RBMS3: variants seen among roughly 807,000 people sequenced by gnomAD.
RBMS3 encodes RNA-binding motif, single-stranded-interacting protein 3.
Under a neutral mutation model 66.8 loss-of-function variants are expected in RBMS3, and 27 were observed. The ratio of observed to expected loss-of-function variants is 0.40; its 90% CI spans 0.30 to 0.56. RBMS3 has a LOEUF of 0.56. Among genes scored for constraint, RBMS3 ranks in the 20% least tolerant of loss-of-function variants. RBMS3 has a pLI of 0.40. For missense variants in RBMS3, 513 were observed against 549.5 expected, an observed-to-expected ratio of 0.93 and a Z score of 0.66; for synonymous variants, 188 against 183.0, an observed-to-expected ratio of 1.03 and a Z score of -0.22.
intron 3 of RBMS3, among the ~76,000 whole-genome samples, chr3:29,565,680 A>ACTC (rs2046716905): frequency 6.6e-6 from 1 of 152,170 alleles, no homozygotes; most frequent in African/African-American, 2.4e-5. Flanking sequence ...GTTCCTCAAA[A>ACTC]ACAGCCAAAG....
At chr3:29,893,984 T>C (rs972502240) in intron 8 of RBMS3, among the ~76,000 whole-genome samples, 1 of 151,598 alleles carries the variant, frequency 6.6e-6, no homozygotes, top group African/African-American at 2.4e-5. Context: ...GCAACAATAC[T>C]GATATACACT....
chr3:29,469,316 T>A (rs1472780225), intron 2 of RBMS3, among the ~76,000 whole-genome samples: 1 of 152,106 alleles, frequency 6.6e-6, no homozygotes, highest in Admixed American at 6.5e-5. Flanking sequence ...AAATGTGTTC[T>A]GCATGCTTCA....
chr3:29,601,805 GA>G (rs779530258), intron 4 of RBMS3, among the ~76,000 whole-genome samples: 26 of 152,060 alleles, frequency 1.7e-4, no homozygotes, highest in Admixed American at 4.6e-4. Flanking sequence ...TTTGTTTGAT[GA>G]TGTACTTTTT....
At chr3:29,283,371 T>G (rs1300823297) in intron 1 of RBMS3, among the ~76,000 whole-genome samples, 1 of 152,178 alleles carries the variant, frequency 6.6e-6, no homozygotes, top group African/African-American at 2.4e-5. Context: ...TGTTTGAGAC[T>G]TCTTTTAACC....
At chr3:29,750,904 AT>A (rs1193534471) in intron 5 of RBMS3, among the ~76,000 whole-genome samples, 1 of 152,222 alleles carries the variant, frequency 6.6e-6, no homozygotes, top group African/African-American at 2.4e-5. Context: ...TTGAAATTTA[AT>A]TTTTGGAAAT....
intron 4 of RBMS3, among the ~76,000 whole-genome samples, chr3:29,648,263 A>ATT (rs749839563): frequency 0.13 from 9,755 of 77,406 alleles, 1,177 homozygotes; most frequent in Non-Finnish European, 0.14. Context: ...GAAAATGTCT[A>ATT]TTTTTTTTTT....
chr3:29,581,316 A>C (rs368877215), intron 3 of RBMS3, among the ~76,000 whole-genome samples: 1 of 152,344 alleles, frequency 6.6e-6, no homozygotes, highest in African/African-American at 2.4e-5. Context: ...CACATAATGC[A>C]AAGAACTAGG....
chr3:29,399,076 G>A (rs1375260343), intron 1 of RBMS3, among the ~76,000 whole-genome samples: 1 of 152,048 alleles, frequency 6.6e-6, no homozygotes, highest in East Asian at 1.9e-4. Flanking sequence ...TTCCTATCAA[G>A]CCTTTTCTCT....
chr3:29,780,630 A>C (rs2056598026), intron 6 of RBMS3, among the ~76,000 whole-genome samples: 1 of 152,092 alleles, frequency 6.6e-6, no homozygotes, highest in Admixed American at 6.6e-5. Context: ...ATATTTTCCC[A>C]AAAACCAGTA....
intron 14 of RBMS3, among the ~76,000 whole-genome samples, chr3:29,996,702 G>C (rs1314106527): frequency 6.6e-6 from 1 of 152,114 alleles, no homozygotes; most frequent in Admixed American, 6.5e-5. Flanking sequence ...CAGAAATAAA[G>C]ATGTTCTTTG....
intron 1 of RBMS3, among the ~76,000 whole-genome samples, chr3:29,398,583 C>G (rs1253814363): frequency 1.3e-5 from 2 of 152,126 alleles, no homozygotes; most frequent in African/African-American, 4.8e-5. Flanking sequence ...ATGAAAAGAT[C>G]TTTCTCAGGT....
At chr3:29,338,495 A>G (rs72851246) in intron 1 of RBMS3, among the ~76,000 whole-genome samples, 3,994 of 152,238 alleles carry the variant, frequency 0.026, 187 homozygotes, top group African/African-American at 0.089. Flanking sequence ...TCCATCTGGG[A>G]ACTTGTAAGA....
chr3:29,309,086 G>A (rs1391689208), intron 1 of RBMS3, among the ~76,000 whole-genome samples: 1 of 151,702 alleles, frequency 6.6e-6, no homozygotes, highest in Non-Finnish European at 1.5e-5. Flanking sequence ...AAGTGAAAAG[G>A]AACTGTGGAG....
chr3:29,696,434 A>C lies in RBMS3; in HGVS notation c.400-43286A>C, dbSNP rs2052280407. On this transcript the variant is annotated intron_variant, in intron 4 of 14. Coordinates refer to ENST00000383767, the MANE Select transcript of RBMS3 (RefSeq NM_001003793.3). Reference sequence around the variant, plus strand: ...GATCATTTGTACTAAATTATGTTTTATTCAAGGAAGGTAATGTCATTCCTC... The same window carrying C: ...GATCATTTGTACTAAATTATGTTTTCTTCAAGGAAGGTAATGTCATTCCTC... Among the ~76,000 whole-genome samples, 3 of 152,190 alleles carry C rather than the reference A, an allele frequency of 2.0e-5. 1 individual carries two copies. In the South Asian group the frequency reaches 6.2e-4, roughly 32 times the overall value.
chr3:29,932,431 A>G (rs1398519766), intron 10 of RBMS3, among the ~76,000 whole-genome samples: 4 of 152,202 alleles, frequency 2.6e-5, no homozygotes. Flanking sequence ...ACTTTAGAGT[A>G]TATCAGAATC....
At chr3:29,702,743 C>T (rs2052682040) in intron 4 of RBMS3, among the ~76,000 whole-genome samples, 1 of 152,206 alleles carries the variant, frequency 6.6e-6, no homozygotes, top group African/African-American at 2.4e-5. Flanking sequence ...CCGTGAAGGT[C>T]TGCAGTTTTA....
chr3:29,851,461 A>C (rs986893668), intron 6 of RBMS3, among the ~76,000 whole-genome samples: 1 of 152,192 alleles, frequency 6.6e-6, no homozygotes, highest in Admixed American at 6.5e-5. Flanking sequence ...TAATTTACTT[A>C]AACTCTCTCA....
At chr3:29,623,573 G>T (rs1016548889) in intron 4 of RBMS3, among the ~76,000 whole-genome samples, 5 of 142,802 alleles carry the variant, frequency 3.5e-5, no homozygotes, top group African/African-American at 1.3e-4. Flanking sequence ...CAGCCTAGGC[G>T]ACAGAGCAAG....
chr3:29,704,584 T>A (rs1284875063), intron 4 of RBMS3, among the ~76,000 whole-genome samples: 2 of 152,218 alleles, frequency 1.3e-5, no homozygotes, highest in Non-Finnish European at 2.9e-5. Flanking sequence ...TTTTATAGGA[T>A]TATTGTGATA....
Sources: allele counts gnomAD v4.1 joint callset (sites outside exome capture counted in the v4.1 genomes callset), GRCh38; gene constraint gnomAD v4.1.1; transcripts MANE v1.5; gene names NCBI Gene and HGNC (gene_info 2026-07-23, HGNC 2026-07-21).